Variants in HECW1 observed in about 807,000 individuals in gnomAD.
The protein encoded by HECW1 is HECT, C2 and WW domain containing E3 ubiquitin protein ligase 1.
In HECW1, 61 loss-of-function variants were observed where a neutral mutation model predicts 182.3. The ratio of observed to expected loss-of-function variants is 0.33; its 90% CI spans 0.27 to 0.41. The LOEUF (loss-of-function observed/expected upper bound fraction) is 0.41. Ranked by LOEUF, HECW1 falls within the 10% of genes least tolerant of loss-of-function variation. The pLI is 1.00. For missense variants in HECW1, 1,739 were observed against 2,108.9 expected (o/e 0.82, Z 3.44); for synonymous variants, 859 against 832.6 (o/e 1.03, Z -0.55).
intron 6 of HECW1, among the ~76,000 whole-genome samples, chr7:43,368,195 G>C (rs944436125): frequency 6.6e-6 from 1 of 152,176 alleles, no homozygotes; most frequent in South Asian, 2.1e-4. Flanking sequence ...CGGGGAGACA[G>C]ACAAGAAAAC....
chr7:43,419,053 A>G (rs1190201799), intron 8 of HECW1, among the ~76,000 whole-genome samples: 1 of 152,126 alleles, frequency 6.6e-6, no homozygotes, highest in Non-Finnish European at 1.5e-5. Flanking sequence ...TGCGTGTATG[A>G]TTCTGGGATC....
At chr7:43,216,667 T>C (rs1796470045) in intron 2 of HECW1, among the ~76,000 whole-genome samples, 2 of 151,806 alleles carry the variant, frequency 1.3e-5, no homozygotes, top group Non-Finnish European at 2.9e-5. Flanking sequence ...TGTAATTTTT[T>C]TTTTTTTCTG....
chr7:43,287,272 G>C (rs1360610823), intron 3 of HECW1, among the ~76,000 whole-genome samples: 1 of 152,148 alleles, frequency 6.6e-6, no homozygotes, highest in Admixed American at 6.5e-5. Flanking sequence ...GGAGATGCTG[G>C]AATGGAGGCC....
intron 2 of HECW1, among the ~76,000 whole-genome samples, chr7:43,159,838 C>A (rs1166135790): frequency 1.3e-5 from 2 of 152,024 alleles, no homozygotes; most frequent in South Asian, 4.2e-4. Flanking sequence ...CACCACCACG[C>A]CCGGCTAATT....
chr7:43,230,724 G>A (rs1359302932), intron 2 of HECW1, among the ~76,000 whole-genome samples: 4 of 152,112 alleles, frequency 2.6e-5, no homozygotes, highest in Admixed American at 2.6e-4. Flanking sequence ...GTATAAATAT[G>A]TATACGTATA....
At chr7:43,310,677 A>G (rs1213805725) in intron 3 of HECW1, among the ~76,000 whole-genome samples, 2 of 152,228 alleles carry the variant, frequency 1.3e-5, no homozygotes, top group African/African-American at 4.8e-5. Flanking sequence ...TGCTAACTAG[A>G]TTGATCTAAC....
intron 7 of HECW1, among the ~76,000 whole-genome samples, chr7:43,405,645 T>G (rs1355750771): frequency 6.6e-6 from 1 of 151,988 alleles, no homozygotes; most frequent in Non-Finnish European, 1.5e-5. Flanking sequence ...TTAGCCCACA[T>G]CAAACTTCCG....
chr7:43,500,811 G>T, intron 20 of HECW1, 29 bp downstream of exon 20: 1 of 1,582,784 alleles, frequency 6.3e-7, no homozygotes, highest in Non-Finnish European at 8.7e-7. Context: ...AATCCTTCTG[G>T]AAAAGCTTCC....
chr7:43,247,380 G>T (rs1221209609), intron 3 of HECW1, among the ~76,000 whole-genome samples: 1 of 152,158 alleles, frequency 6.6e-6, no homozygotes, highest in Non-Finnish European at 1.5e-5. Flanking sequence ...AGGCACAGTG[G>T]CTCATGCCTG....
At chr7:43,532,735 A>G (rs2081041974) in intron 24 of HECW1, among the ~76,000 whole-genome samples, 1 of 152,208 alleles carries the variant, frequency 6.6e-6, no homozygotes, top group African/African-American at 2.4e-5. Flanking sequence ...TGGCACATTC[A>G]GAAGGAATTA....
intron 5 of HECW1, among the ~76,000 whole-genome samples, chr7:43,339,034 G>A (rs547277093): frequency 6.6e-6 from 1 of 152,252 alleles, no homozygotes; most frequent in African/African-American, 2.4e-5. Context: ...TCAATGGTTA[G>A]TCTTTTTGTC....
intron 2 of HECW1, among the ~76,000 whole-genome samples, chr7:43,229,305 C>G (rs745891535): frequency 1.3e-5 from 2 of 152,012 alleles, no homozygotes; most frequent in Non-Finnish European, 1.5e-5. Context: ...ATTTCTTAAA[C>G]GATAGAATTC....
At chr7:43,126,586 A>G (rs1241873438) in intron 2 of HECW1, among the ~76,000 whole-genome samples, 3 of 152,196 alleles carry the variant, frequency 2.0e-5, no homozygotes, top group Admixed American at 1.3e-4. Flanking sequence ...AAACAAGTAT[A>G]CAGGTATACC....
In HECW1 at chr7:43,243,442, C is replaced by G. The variant is rs1382170010; in HGVS notation, c.-31-433C>G. Among the ~76,000 whole-genome samples the G allele has an allele frequency of 6.6e-6, 1 of 152,146 alleles. No homozygotes were observed. The highest frequency in any genetic ancestry group is 1.5e-5 in the Non-Finnish European group (1 of 68,036). ...ACTGAAACAGGCAGTGAATTTTCAG[C>G]AGTTTAACTGTAGATTCCCCTTCCT... On this transcript the variant is annotated intron_variant, in intron 2 of 29. Coordinates refer to ENST00000395891, the MANE Select transcript of HECW1 (RefSeq NM_015052.5). The surrounding 1 kb of genome is among the most constrained non-coding windows in gnomAD (Gnocchi z 4.0).
intron 24 of HECW1, chr7:43,523,253 C>T: frequency 4.6e-6 from 1 of 217,588 alleles, no homozygotes; most frequent in South Asian, 5.1e-5. Context: ...GATTCACCTG[C>T]CTCGGCCTCC....
chr7:43,427,118 A>G (rs2076387293), intron 8 of HECW1, among the ~76,000 whole-genome samples: 1 of 152,156 alleles, frequency 6.6e-6, no homozygotes, highest in Admixed American at 6.6e-5. Flanking sequence ...TTCACTCTCA[A>G]ATGAGAGTTT....
intron 5 of HECW1, among the ~76,000 whole-genome samples, chr7:43,351,579 A>G (rs976797570): frequency 2.6e-5 from 4 of 151,648 alleles, no homozygotes; most frequent in African/African-American, 9.7e-5. Flanking sequence ...CAGGAGTGAC[A>G]TCTACTTGTT....
chr7:43,435,406 T>G (rs1044922741), intron 8 of HECW1, among the ~76,000 whole-genome samples: 1 of 152,174 alleles, frequency 6.6e-6, no homozygotes, highest in Non-Finnish European at 1.5e-5. Flanking sequence ...CTCAGTTTTC[T>G]CAGTACTGGG....
At chr7:43,167,759 C>A (rs943506558) in intron 2 of HECW1, among the ~76,000 whole-genome samples, 1 of 152,314 alleles carries the variant, frequency 6.6e-6, no homozygotes, top group Admixed American at 6.5e-5. Context: ...CACCCTCTCT[C>A]CTGTAATGGC....
Sources: gnomAD v4.1 joint callset for allele counts (sites outside exome capture counted in the v4.1 genomes callset) on GRCh38, gnomAD v4.1.1 for gene constraint, Gnocchi (gnomAD v3.1) non-coding constraint, MANE v1.5 for transcripts, NCBI Gene and HGNC (gene_info 2026-07-23, HGNC 2026-07-21) for gene names.